Variants in GRID2 observed in about 807,000 individuals in gnomAD.
GRID2 encodes the protein glutamate ionotropic receptor delta type subunit 2, also known as glutamate receptor ionotropic, delta-2.
In GRID2, 33 loss-of-function variants were observed where a neutral mutation model predicts 114.8. The observed-to-expected ratio is 0.29, with a 90% CI of 0.22 to 0.38. The LOEUF (loss-of-function observed/expected upper bound fraction) is 0.38, where lower values mean the gene tolerates loss of function less well. GRID2 is among the 10% of genes least tolerant of loss of function. The probability of loss-of-function intolerance (pLI) is 1.00; values close to 1 mark genes in which losing one functional copy is unlikely to be tolerated. For synonymous variants in GRID2, 505 were observed against 449.9 expected, an observed-to-expected ratio of 1.12 and a Z score of -1.55; for missense variants, 1,184 against 1,257.7, an observed-to-expected ratio of 0.94 and a Z score of 0.89.
At chr4:92,903,644 G>A (rs1314809606) in intron 2 of GRID2, among the ~76,000 whole-genome samples, 1 of 151,606 alleles carries the variant, frequency 6.6e-6, no homozygotes, top group Non-Finnish European at 1.5e-5. Flanking sequence ...ATTTTTAATG[G>A]GAATAATTTA....
chr4:93,110,768 T>A lies in GRID2; in HGVS notation c.550T>A (p.Phe184Ile), dbSNP rs756787128. ...TCCAGATATCCGTGGAATACAGGAG[T>A]TCTTGGACAAAGTCTCTCAGCAGGG... is the stretch of plus-strand genomic sequence containing the variant. ...SEYDIRGIQE[F>I]LDKVSQQGMD... The change falls in exon 4 of 16, where the codon TTC becomes ATC. Residue 184 changes from phenylalanine to isoleucine, a missense_variant. This residue lies in a region of GRID2 where 455 missense variants were observed against 429.5 expected (regional missense o/e 1.06). Coordinates refer to ENST00000282020, the MANE Select transcript of GRID2 (RefSeq NM_001510.4). 6 of 1,611,376 alleles carry A rather than the reference T, an allele frequency of 3.7e-6. No homozygotes were observed.
At chr4:92,850,992 G>C (rs1743741011) in intron 2 of GRID2, among the ~76,000 whole-genome samples, 1 of 151,940 alleles carries the variant, frequency 6.6e-6, no homozygotes, top group Non-Finnish European at 1.5e-5. Flanking sequence ...AAGTCAAACG[G>C]TGAGAGAGGA....
chr4:92,538,299 G>A (rs1039847582), intron 1 of GRID2, among the ~76,000 whole-genome samples: 3 of 152,080 alleles, frequency 2.0e-5, no homozygotes, highest in Non-Finnish European at 4.4e-5. Flanking sequence ...GATTAAAATA[G>A]TTATCAGTTT....
Position 92,429,217 on chromosome 4 carries a change from A to AG in GRID2, c.88+124476dup, listed in dbSNP as rs1276252225. On this transcript the variant is annotated intron_variant, in intron 1 of 15. Transcript: ENST00000282020. Reference sequence around the variant, plus strand: ...GCCTACAATGCATAATAAGCACATCAGGGTAAATGCAGTGTCCATTATTTC... The same window carrying AG: ...GCCTACAATGCATAATAAGCACATCAGGGGTAAATGCAGTGTCCATTATTTC... 2.0e-5 allele frequency among the ~76,000 whole-genome samples: 3 copies of AG among 152,340 alleles called. No individual in the cohort carries two copies. The East Asian group carries it at 5.8e-4, about 29-fold the overall frequency.
At chr4:92,424,104 A>G (rs1732036342) in intron 1 of GRID2, among the ~76,000 whole-genome samples, 1 of 152,054 alleles carries the variant, frequency 6.6e-6, no homozygotes. Flanking sequence ...AATTCAATAA[A>G]AACAGTCCTA....
chr4:92,731,156 A>G (rs1481513025), intron 2 of GRID2, among the ~76,000 whole-genome samples: 1 of 151,968 alleles, frequency 6.6e-6, no homozygotes, highest in African/African-American at 2.4e-5. Flanking sequence ...TTGAGGGTTT[A>G]AAAGCTCTTC....
chr4:92,457,117 G>C (rs1264297539), intron 1 of GRID2, among the ~76,000 whole-genome samples: 1 of 151,770 alleles, frequency 6.6e-6, no homozygotes, highest in Non-Finnish European at 1.5e-5. Flanking sequence ...CACTTTTTTG[G>C]TCACTTTATT....
chr4:92,593,046 C>T (rs983855063), intron 2 of GRID2, among the ~76,000 whole-genome samples: 4 of 151,898 alleles, frequency 2.6e-5, no homozygotes, highest in Non-Finnish European at 5.9e-5. Flanking sequence ...TGTCTGTTTT[C>T]ATTTTTTTAC....
Position 92,512,442 on chromosome 4 carries a change from T to C in GRID2, c.89-77689T>C, listed in dbSNP as rs1724300340. Among the ~76,000 whole-genome samples, 2 of 151,860 alleles carry C rather than the reference T, an allele frequency of 1.3e-5. 1 individual carries two copies. The highest frequency in any genetic ancestry group is 4.1e-4 in the South Asian group (2 of 4,830). On this transcript the variant is annotated intron_variant, in intron 1 of 15. Transcript: ENST00000282020. ...AGAAATTCTAAAACATAGTAAGCTT[T>C]CTCTATGTCTGTCAGCCAGTAAAGA... is the stretch of plus-strand genomic sequence containing the variant.
intron 12 of GRID2, among the ~76,000 whole-genome samples, chr4:93,501,133 T>C (rs771349481): frequency 1.3e-5 from 2 of 152,030 alleles, no homozygotes; most frequent in Non-Finnish European, 2.9e-5. Flanking sequence ...TTTTAGAATC[T>C]GACCTGAGAG....
At position 93,038,795 on chromosome 4, in the gene GRID2, GA is replaced by G. The variant is rs927197145; in HGVS notation, c.245-46190del. 4.8e-3 allele frequency among the ~76,000 whole-genome samples: 689 copies of G among 143,290 alleles called. 1 individual carries two copies. Among genetic ancestry groups the G allele is most frequent in the African/African-American group, 7.5e-3 (292 of 39,144 alleles). The allele number at this position is 143,290 out of a possible 152,430, so 94.0% of individuals were successfully genotyped here. ...GACAGAGTGAGACTCTGTCTCAAAA[GA>G]AAAAAAAAAGGTCAGGAAACAACAG... On this transcript the variant is annotated intron_variant, in intron 2 of 15. Coordinates refer to ENST00000282020, the MANE Select transcript of GRID2 (RefSeq NM_001510.4).
intron 14 of GRID2, among the ~76,000 whole-genome samples, chr4:93,661,272 A>C (rs1238083535): frequency 6.6e-6 from 1 of 152,236 alleles, no homozygotes; most frequent in African/African-American, 2.4e-5. Context: ...CTCGATGCTT[A>C]AGTTTCCAGC....
In GRID2 at chr4:92,742,883, A is replaced by T. The variant is rs375246402; in HGVS notation, c.244+152597A>T. 7.2e-5 allele frequency among the ~76,000 whole-genome samples: 11 copies of T among 152,340 alleles called. No individual in the cohort carries two copies. The East Asian group carries it at 1.9e-3, about 27-fold the overall frequency. ...TAAGACCCTAGTTGTGTCACAGAGC[A>T]AAGGGCTATGTGTAGTGAGATCTTG... On this transcript the variant is annotated intron_variant, in intron 2 of 15. Transcript: ENST00000282020.
At chr4:93,258,168 G>C (rs1749835665) in intron 8 of GRID2, among the ~76,000 whole-genome samples, 1 of 151,362 alleles carries the variant, frequency 6.6e-6, no homozygotes, top group African/African-American at 2.4e-5. Flanking sequence ...AAAAGATATA[G>C]TTTTGTTGTG....
At chr4:93,758,402 A>C (rs1011063112) in intron 14 of GRID2, among the ~76,000 whole-genome samples, 27 of 152,310 alleles carry the variant, frequency 1.8e-4, no homozygotes, top group African/African-American at 6.5e-4. Context: ...ATCAGTGTAC[A>C]ACCTCTAACT....
intron 2 of GRID2, among the ~76,000 whole-genome samples, chr4:92,840,884 ACT>A (rs1234481777): frequency 6.6e-6 from 1 of 151,924 alleles, no homozygotes; most frequent in Non-Finnish European, 1.5e-5. Context: ...TTCTCTTGGT[ACT>A]CTGTTTCTCT....
chr4:92,828,505 T>C (rs1741887476), intron 2 of GRID2, among the ~76,000 whole-genome samples: 1 of 152,074 alleles, frequency 6.6e-6, no homozygotes, highest in South Asian at 2.1e-4. Flanking sequence ...TTCATTAAGG[T>C]AGATTTGTCA....
intron 1 of GRID2, among the ~76,000 whole-genome samples, chr4:92,387,964 T>G (rs1013109237): frequency 2.6e-5 from 4 of 152,086 alleles, no homozygotes; most frequent in Admixed American, 6.6e-5. Flanking sequence ...ATACATTTAT[T>G]ACTGTAAAAC....
intron 6 of GRID2, among the ~76,000 whole-genome samples, chr4:93,223,195 G>A (rs942119982): frequency 2.6e-5 from 4 of 152,012 alleles, no homozygotes; most frequent in Non-Finnish European, 5.9e-5. Flanking sequence ...TTCTTTTGTA[G>A]TCTATCTAGT....
Sources: allele counts gnomAD v4.1 joint callset (sites outside exome capture counted in the v4.1 genomes callset), GRCh38; gene constraint gnomAD v4.1.1; regional missense constraint gnomAD v4.1.1; transcripts MANE v1.5; gene names NCBI Gene and HGNC (gene_info 2026-07-23, HGNC 2026-07-21).